The following TPD52L1 variants were observed in gnomAD, a reference collection of about 807,000 sequenced individuals.
TPD52L1 encodes the protein tumor protein D53.
A neutral mutation model predicts 28.7 loss-of-function variants in TPD52L1; 18 were observed. The ratio of observed to expected loss-of-function variants is 0.63; its 90% CI spans 0.43 to 0.93. The LOEUF is 0.93. Ranked by LOEUF, TPD52L1 falls within the 40% of genes least tolerant of loss-of-function variation. The pLI, the probability that TPD52L1 is intolerant of heterozygous loss-of-function variation, is 0.00. For synonymous variants in TPD52L1, 75 were observed against 88.8 expected, an observed-to-expected ratio of 0.84 and a Z score of 0.88; for missense variants, 203 against 254.8, an observed-to-expected ratio of 0.80 and a Z score of 1.39.
intron 1 of TPD52L1, among the ~76,000 whole-genome samples, chr6:125,202,697 T>A (rs563878518): frequency 6.6e-6 from 1 of 152,122 alleles, no homozygotes; most frequent in South Asian, 2.1e-4. Context: ...ATATAATAAG[T>A]GAGACTGTTT....
At chr6:125,188,551 C>T (rs1185511657) in intron 1 of TPD52L1, among the ~76,000 whole-genome samples, 1 of 152,110 alleles carries the variant, frequency 6.6e-6, no homozygotes, top group Non-Finnish European at 1.5e-5. Context: ...TTGGTGTGTG[C>T]ATGCCTGTGT....
intron 1 of TPD52L1, among the ~76,000 whole-genome samples, chr6:125,162,589 G>A (rs894942659): frequency 2.0e-5 from 3 of 152,188 alleles, no homozygotes; most frequent in African/African-American, 7.2e-5. Flanking sequence ...AGGGCATAGT[G>A]ATTAAGATCC....
intron 1 of TPD52L1, among the ~76,000 whole-genome samples, chr6:125,189,178 A>T (rs1792864695): frequency 6.6e-6 from 1 of 152,244 alleles, no homozygotes; most frequent in Non-Finnish European, 1.5e-5. Flanking sequence ...AATAAGCTAA[A>T]GTTGGAAAAA....
In TPD52L1 at chr6:125,165,085, G is replaced by GATATATATATATATATAT. The variant is rs1554201225; in HGVS notation, c.19+11129_19+11130insATATATATATATATATAT. The stretch of plus-strand genomic sequence containing the variant: ...CAAAACCCCTGTCTCTTAAAAAAAA[G>GATATATATATATATATAT]ATATATATATATATTTTAACTGTAT... On this transcript the variant is annotated intron_variant, in intron 1 of 6. Coordinates refer to ENST00000534000, the MANE Select transcript of TPD52L1 (RefSeq NM_003287.4). Among the ~76,000 whole-genome samples the GATATATATATATATATAT allele has an allele frequency of 6.4e-5, 3 of 46,766 alleles. 1 individual carries two copies. Among genetic ancestry groups the GATATATATATATATATAT allele is most frequent in the African/African-American group, 2.4e-4 (1 of 4,098 alleles). 30.7% of individuals were successfully genotyped at this position (46,766 alleles called of 152,430 possible).
chr6:125,215,124 AT>A (rs1280924843), intron 1 of TPD52L1, among the ~76,000 whole-genome samples: 12 of 152,012 alleles, frequency 7.9e-5, no homozygotes, highest in Admixed American at 3.9e-4. Context: ...TCACTGAAAA[AT>A]TTTTTTTAAC....
chr6:125,212,306 C>T (rs1794576106), intron 1 of TPD52L1, among the ~76,000 whole-genome samples: 1 of 152,164 alleles, frequency 6.6e-6, no homozygotes, highest in African/African-American at 2.4e-5. Context: ...CTTGGTTACA[C>T]AGTTGGACTT....
chr6:125,218,060 A>G (rs10872295), intron 1 of TPD52L1, among the ~76,000 whole-genome samples: 36,292 of 152,132 alleles, frequency 0.24, 5,299 homozygotes, highest in Admixed American at 0.38. Context: ...TCTGATGTGC[A>G]TGTATAACAT....
At chr6:125,226,542 G>A (rs1795623709) in intron 2 of TPD52L1, among the ~76,000 whole-genome samples, 1 of 151,986 alleles carries the variant, frequency 6.6e-6, no homozygotes, top group Non-Finnish European at 1.5e-5. Context: ...TGGCTATGAG[G>A]TTGAGAATAT....
At chr6:125,209,347 C>G (rs938312363) in intron 1 of TPD52L1, among the ~76,000 whole-genome samples, 1 of 152,172 alleles carries the variant, frequency 6.6e-6, no homozygotes, top group Non-Finnish European at 1.5e-5. Context: ...AGCCCACAGT[C>G]ATGAGGTCTA....
At position 125,154,458 on chromosome 6, in the gene TPD52L1, C is replaced by G. The variant is rs1345890892; in HGVS notation, c.19+488C>G. On this transcript the variant is annotated intron_variant, in intron 1 of 6. Coordinates refer to ENST00000534000, the MANE Select transcript of TPD52L1 (RefSeq NM_003287.4). ...GGCTCCGCAGCCCGGCTGCGCGAGA[C>G]GCTTCCCGCTCGGGGACCCGCCTTC... 7.1e-6 allele frequency: 7 copies of G among 986,354 alleles called. No individual in the cohort carries two copies. In the African/African-American group the frequency reaches 1.0e-4, roughly 15 times the overall value. 61.1% of individuals were successfully genotyped at this position (986,354 alleles called of 1,614,324 possible).
At chr6:125,250,367 A>G (rs993967701) in intron 4 of TPD52L1, among the ~76,000 whole-genome samples, 4 of 152,228 alleles carry the variant, frequency 2.6e-5, no homozygotes, top group Middle Eastern at 3.2e-3. Context: ...ATTTGGCTTC[A>G]GAGGGTCAGT....
At chr6:125,201,015 T>G (rs149296760) in intron 1 of TPD52L1, among the ~76,000 whole-genome samples, 8 of 152,222 alleles carry the variant, frequency 5.3e-5, no homozygotes, top group African/African-American at 1.7e-4. Context: ...TACAGCAATT[T>G]GATTGGTTTA....
At chr6:125,167,718 C>T (rs550502244) in intron 1 of TPD52L1, among the ~76,000 whole-genome samples, 41 of 152,224 alleles carry the variant, frequency 2.7e-4, no homozygotes, top group African/African-American at 9.6e-4. Flanking sequence ...ATGCACTTTA[C>T]AGGTCCTCCT....
rs1158671094 is a variant in TPD52L1, at chr6:125,221,693, T to C, written c.135+1500T>C. 2.6e-5 allele frequency among the ~76,000 whole-genome samples: 4 copies of C among 152,214 alleles called. No homozygotes were observed. In the East Asian group the frequency reaches 5.8e-4, roughly 22 times the overall value. On this transcript the variant is annotated intron_variant, in intron 2 of 6. Coordinates refer to ENST00000534000, the MANE Select transcript of TPD52L1 (RefSeq NM_003287.4). ...AAAGTAAGTATTGGTTTTAAATGGATGCCCCATGAATATGAAAAAATAGAA... is the reference window on the plus strand; with the variant it reads ...AAAGTAAGTATTGGTTTTAAATGGACGCCCCATGAATATGAAAAAATAGAA...
chr6:125,191,714 T>G lies in TPD52L1; in HGVS notation c.20-28364T>G, dbSNP rs538792593. ...CCTATCATCTGAGGAGAGAGAGAGC[T>G]GGGAGTGAAGGAAGAAGTGAACAAC... On this transcript the variant is annotated intron_variant, in intron 1 of 6. Transcript: ENST00000534000. Among the ~76,000 whole-genome samples, 3 of 152,274 alleles carry G rather than the reference T, an allele frequency of 2.0e-5. No individual in the cohort carries two copies. In the East Asian group the frequency reaches 5.8e-4, roughly 29 times the overall value.
Position 125,172,131 on chromosome 6 carries a change from T to G in TPD52L1, c.19+18161T>G, listed in dbSNP as rs1340646267. On this transcript the variant is annotated intron_variant, in intron 1 of 6. Transcript: ENST00000534000. ...TTCTTTCTTTCTTTCTTTCTTTCTT[T>G]CTTTCTTTCTTTCTTTCTTTCTTTC... 2.3e-4 allele frequency among the ~76,000 whole-genome samples: 17 copies of G among 75,088 alleles called. 1 individual carries two copies. Among genetic ancestry groups the G allele is most frequent in the African/African-American group, 1.2e-3 (17 of 14,580 alleles). The allele number at this position is 75,088 out of a possible 152,430, so 49.3% of individuals were successfully genotyped here. A position where few individuals can be genotyped will look rare whatever the true frequency, so the allele number is the denominator to read the frequency against.
chr6:125,172,176 TC>T (rs1265583808), intron 1 of TPD52L1, among the ~76,000 whole-genome samples: 17 of 136,198 alleles, frequency 1.2e-4, no homozygotes, highest in African/African-American at 5.0e-4. Context: ...TTTCTTTCTT[TC>T]TTTCTTTCTT....
chr6:125,160,887 T>C (rs1790481796), intron 1 of TPD52L1, among the ~76,000 whole-genome samples: 1 of 149,720 alleles, frequency 6.7e-6, no homozygotes, highest in African/African-American at 2.5e-5. Context: ...AGTCTTGCTC[T>C]GTCACCCAGG....
At chr6:125,208,018 A>C (rs1279512772) in intron 1 of TPD52L1, among the ~76,000 whole-genome samples, 1 of 152,232 alleles carries the variant, frequency 6.6e-6, no homozygotes, top group Non-Finnish European at 1.5e-5. Flanking sequence ...GTAACTGAGC[A>C]GCTGCTTCGA....
Sources: gnomAD v4.1 joint callset for allele counts (sites outside exome capture counted in the v4.1 genomes callset) on GRCh38, gnomAD v4.1.1 for gene constraint, MANE v1.5 for transcripts, NCBI Gene and HGNC (gene_info 2026-07-23, HGNC 2026-07-21) for gene names.